GPC5: variants seen among roughly 807,000 people sequenced by gnomAD.
GPC5 encodes the protein glypican 5, also known as glypican-5.
In GPC5, 47 loss-of-function variants were observed where a neutral mutation model predicts 53.9. That is an observed-to-expected ratio of 0.87 (90% CI 0.69 to 1.11). The LOEUF (loss-of-function observed/expected upper bound fraction) is 1.11. GPC5 is among the 50% of genes most tolerant of loss of function. The pLI, the probability that GPC5 is intolerant of heterozygous loss-of-function variation, is 0.00. For missense variants in GPC5, 748 were observed against 713.1 expected (o/e 1.05, Z -0.56); for synonymous variants, 286 against 263.3 (o/e 1.09, Z -0.84).
In GPC5 at chr13:92,739,480, A is replaced by G. The variant is rs1223528353; in HGVS notation, c.1562-126802A>G. On this transcript the variant is annotated intron_variant, in intron 7 of 7. Coordinates refer to ENST00000377067, the MANE Select transcript of GPC5 (RefSeq NM_004466.6). ...TCAGATCATTCAACAAAGATGAGCAATTGAACAAGCCTTTCTGCAAGCTTG... is the reference window on the plus strand; with the variant it reads ...TCAGATCATTCAACAAAGATGAGCAGTTGAACAAGCCTTTCTGCAAGCTTG... 2.0e-5 allele frequency among the ~76,000 whole-genome samples: 3 copies of G among 152,108 alleles called. No homozygotes were observed. The East Asian group carries it at 5.8e-4, about 29-fold the overall frequency.
intron 1 of GPC5, among the ~76,000 whole-genome samples, chr13:91,419,127 G>T (rs966966130): frequency 6.6e-6 from 1 of 151,934 alleles, no homozygotes; most frequent in Non-Finnish European, 1.5e-5. Context: ...AAAACTTCAA[G>T]AATAGCTAAT....
chr13:92,273,119 G>C (rs1388019529), intron 7 of GPC5, among the ~76,000 whole-genome samples: 2 of 151,976 alleles, frequency 1.3e-5, no homozygotes, highest in Non-Finnish European at 2.9e-5. Flanking sequence ...TTGTTGTTTT[G>C]ATTTCTTCTT....
chr13:92,810,616 C>A (rs562281338), intron 7 of GPC5, among the ~76,000 whole-genome samples: 1 of 151,936 alleles, frequency 6.6e-6, no homozygotes, highest in Non-Finnish European at 1.5e-5. Context: ...CCTCCACCCC[C>A]AGTAACCTTG....
chr13:92,231,565 G>A (rs772079759), intron 7 of GPC5, among the ~76,000 whole-genome samples: 8 of 148,036 alleles, frequency 5.4e-5, no homozygotes, highest in Non-Finnish European at 7.4e-5. Flanking sequence ...AAAACTAGTC[G>A]TCATCTCCCA....
intron 7 of GPC5, among the ~76,000 whole-genome samples, chr13:92,704,978 C>T (rs1413505328): frequency 1.3e-5 from 2 of 150,794 alleles, no homozygotes; most frequent in African/African-American, 2.4e-5. Flanking sequence ...TAAGTAAGAT[C>T]TTTAATGATC....
chr13:91,985,018 T>C (rs532164225), intron 6 of GPC5, among the ~76,000 whole-genome samples: 1 of 152,322 alleles, frequency 6.6e-6, no homozygotes, highest in East Asian at 1.9e-4. Context: ...TCATTAGTGA[T>C]ATTTTATATG....
chr13:92,560,662 A>C (rs938174983), intron 7 of GPC5, among the ~76,000 whole-genome samples: 6 of 151,992 alleles, frequency 3.9e-5, no homozygotes, highest in Non-Finnish European at 7.4e-5. Context: ...CCCAGTTTAG[A>C]AACAGTCTCA....
chr13:91,490,891 A>G (rs1456908195), intron 2 of GPC5, among the ~76,000 whole-genome samples: 1 of 152,142 alleles, frequency 6.6e-6, no homozygotes, highest in Non-Finnish European at 1.5e-5. Flanking sequence ...TGAAACCTAG[A>G]TATGAATTTC....
chr13:91,466,568 A>G (rs1290564930), intron 2 of GPC5, among the ~76,000 whole-genome samples: 1 of 152,162 alleles, frequency 6.6e-6, no homozygotes, highest in East Asian at 1.9e-4. Context: ...CTAGCTGACC[A>G]GGAATGATCA....
intron 3 of GPC5, among the ~76,000 whole-genome samples, chr13:91,698,032 G>C (rs1414922723): frequency 6.6e-6 from 1 of 151,750 alleles, no homozygotes; most frequent in South Asian, 2.1e-4. Context: ...CTCCCAAGTA[G>C]CTGGAATTAC....
intron 7 of GPC5, among the ~76,000 whole-genome samples, chr13:92,209,593 G>A (rs988475152): frequency 3.3e-5 from 5 of 152,104 alleles, no homozygotes; most frequent in African/African-American, 9.7e-5. Context: ...TCTGTGAGTT[G>A]TTTAATCACA....
At chr13:91,866,133 G>T (rs182032248) in intron 5 of GPC5, among the ~76,000 whole-genome samples, 1 of 152,256 alleles carries the variant, frequency 6.6e-6, no homozygotes, top group East Asian at 1.9e-4. Context: ...CTCCCAAAGT[G>T]CTGGGATTAC....
chr13:92,721,573 C>A (rs1169387153), intron 7 of GPC5: 1 of 152,006 alleles, frequency 6.6e-6, no homozygotes, highest in African/African-American at 2.4e-5. Flanking sequence ...TTCACGGCAA[C>A]CTTTGTTGAA....
intron 7 of GPC5, among the ~76,000 whole-genome samples, chr13:92,420,671 CCTT>C (rs977730375): frequency 7.2e-5 from 11 of 152,242 alleles, no homozygotes; most frequent in African/African-American, 1.4e-4. Flanking sequence ...TGGTAACCAT[CCTT>C]CTATTTTCCA....
At chr13:91,853,418 A>G (rs961622109) in intron 5 of GPC5, among the ~76,000 whole-genome samples, 1 of 152,018 alleles carries the variant, frequency 6.6e-6, no homozygotes, top group Non-Finnish European at 1.5e-5. Context: ...AAATTAAGGT[A>G]CATCTTAGAA....
intron 7 of GPC5, among the ~76,000 whole-genome samples, chr13:92,598,956 C>T (rs1275729117): frequency 6.6e-6 from 1 of 152,140 alleles, no homozygotes; most frequent in Non-Finnish European, 1.5e-5. Flanking sequence ...ACAAAATAAA[C>T]CCTTTAACCT....
At chr13:91,763,626 G>A (rs1223976193) in intron 5 of GPC5, among the ~76,000 whole-genome samples, 2 of 152,190 alleles carry the variant, frequency 1.3e-5, no homozygotes. Flanking sequence ...ATCCAGGTAT[G>A]GCTGATGGTT....
At chr13:91,914,760 T>TACAC (rs966851305) in intron 6 of GPC5, among the ~76,000 whole-genome samples, 6 of 129,470 alleles carry the variant, frequency 4.6e-5, no homozygotes, top group East Asian at 2.4e-4. Flanking sequence ...AGGTAGTGTT[T>TACAC]ACACACACAC....
At chr13:92,176,850 T>C (rs977677671) in intron 7 of GPC5, among the ~76,000 whole-genome samples, 28 of 152,160 alleles carry the variant, frequency 1.8e-4, no homozygotes, top group Non-Finnish European at 7.3e-5. Flanking sequence ...CTTCTTTACA[T>C]ACTGTATCTA....
Sources: gnomAD v4.1 joint callset for allele counts (sites outside exome capture counted in the v4.1 genomes callset) on GRCh38, gnomAD v4.1.1 for gene constraint, MANE v1.5 for transcripts, NCBI Gene and HGNC (gene_info 2026-07-23, HGNC 2026-07-21) for gene names.